PTPRS: variants seen among roughly 807,000 people sequenced by gnomAD.
PTPRS encodes receptor-type tyrosine-protein phosphatase S.
A neutral mutation model predicts 215.3 loss-of-function variants in PTPRS; 63 were observed. That is an observed-to-expected ratio of 0.29 (90% CI 0.24 to 0.36). The LOEUF is 0.36. Ranked by LOEUF, PTPRS falls within the 10% of genes least tolerant of loss-of-function variation. PTPRS has a pLI of 1.00. For synonymous variants in PTPRS, 1,404 were observed against 1,191.4 expected, an observed-to-expected ratio of 1.18 and a Z score of -3.68; for missense variants, 2,258 against 2,825.8, an observed-to-expected ratio of 0.80 and a Z score of 4.56.
intron 3 of PTPRS, 64 bp from the exon 4 acceptor site, chr19:5,273,647 G>C: frequency 1.3e-6 from 2 of 1,567,792 alleles, no homozygotes; most frequent in South Asian, 2.3e-5. Flanking sequence ...TCCTGTCTAG[G>C]CTGGGCTAGG....
chr19:5,208,475 T>A, intron 35 of PTPRS, 84 bp from the exon 36 acceptor site: 1 of 1,307,092 alleles, frequency 7.7e-7, no homozygotes, highest in Non-Finnish European at 1.0e-6. Context: ...TTCACCCCCA[T>A]TTTTTGTTTG....
At chr19:5,292,987 T>G (rs980357723) in intron 1 of PTPRS, among the ~76,000 whole-genome samples, 4 of 151,918 alleles carry the variant, frequency 2.6e-5, no homozygotes, top group African/African-American at 9.7e-5. Flanking sequence ...AGGCCCAAGC[T>G]GGCCCTGGAG....
intron 23 of PTPRS, 62 bp downstream of exon 23, chr19:5,219,248 C>T (rs1169947403): frequency 1.9e-6 from 3 of 1,589,328 alleles, no homozygotes; most frequent in East Asian, 4.5e-5. Context: ...GACAACTCCT[C>T]CCTCCTTTTC....
In PTPRS at chr19:5,330,021, G is replaced by T. The variant is rs1699413008; in HGVS notation, c.-95+10643C>A. On this transcript the variant is annotated intron_variant, in intron 1 of 37. Transcript: ENST00000262963. The stretch of plus-strand genomic sequence containing the variant: ...GACCCCAGGAGGTGGAAGTTGCCGT[G>T]AGCCGAGATCACGCCATTGCACTCC... Among the ~76,000 whole-genome samples, 7 of 148,440 alleles carry T rather than the reference G, an allele frequency of 4.7e-5. No individual in the cohort carries two copies. The South Asian group carries it at 1.5e-3, about 32-fold the overall frequency.
At position 5,229,697 on chromosome 19, in the gene PTPRS, A is replaced by AG; in HGVS notation, c.2156-14dup. The stretch of plus-strand genomic sequence containing the variant: ...GGCGCGCTGGGCACTGGCGGGCGGG[A>AG]GGGGAGGGGAGGGGCGGGCGGAGCC... On this transcript the variant is annotated splice_polypyrimidine_tract_variant and intron_variant, in intron 14 of 37. Transcript: ENST00000262963. 3.2e-6 allele frequency: 1 copy of AG among 314,556 alleles called. No homozygotes were observed. The highest frequency in any genetic ancestry group is 4.7e-6 in the Non-Finnish European group (1 of 211,822). 19.5% of individuals were successfully genotyped at this position (314,556 alleles called of 1,614,324 possible).
At chr19:5,307,645 C>G (rs2049542178) in intron 1 of PTPRS, among the ~76,000 whole-genome samples, 1 of 152,200 alleles carries the variant, frequency 6.6e-6, no homozygotes, top group Non-Finnish European at 1.5e-5. Flanking sequence ...CTCTTCAAAA[C>G]CGTAGCCACG....
chr19:5,274,416 GA>G, intron 2 of PTPRS, 72 bp from the exon 3 acceptor site: 1 of 1,493,580 alleles, frequency 6.7e-7, no homozygotes, highest in Non-Finnish European at 9.1e-7. Context: ...AAGGAGCCAC[GA>G]AAACCTGCAT....
At chr19:5,303,795 C>CA (rs1203354715) in intron 1 of PTPRS, among the ~76,000 whole-genome samples, 1 of 150,540 alleles carries the variant, frequency 6.6e-6, no homozygotes, top group Non-Finnish European at 1.5e-5. Context: ...ACTAAAAATA[C>CA]AAAAAATTAG....
At chr19:5,243,561 C>T (rs1348648048) in intron 11 of PTPRS, among the ~76,000 whole-genome samples, 1 of 151,850 alleles carries the variant, frequency 6.6e-6, no homozygotes, top group Non-Finnish European at 1.5e-5. Context: ...CTCACTGCAA[C>T]CTCCACCTCC....
chr19:5,255,204 G>A (rs1335088840), intron 9 of PTPRS, among the ~76,000 whole-genome samples: 1 of 152,156 alleles, frequency 6.6e-6, no homozygotes, highest in Non-Finnish European at 1.5e-5. Context: ...AAGAGGAGCT[G>A]GCCAGTGAGG....
intron 23 of PTPRS, 89 bp from the exon 24 acceptor site, chr19:5,218,887 C>T: frequency 7.4e-7 from 1 of 1,350,738 alleles, no homozygotes; most frequent in East Asian, 2.3e-5. Flanking sequence ...TTCTGTGACT[C>T]TCAGTGCCTT....
chr19:5,312,995 A>T (rs1364987005), intron 1 of PTPRS, among the ~76,000 whole-genome samples: 1 of 152,060 alleles, frequency 6.6e-6, no homozygotes, highest in Non-Finnish European at 1.5e-5. Flanking sequence ...GCTGACTGCA[A>T]CCTCCACCTC....
intron 4 of PTPRS, among the ~76,000 whole-genome samples, chr19:5,269,645 G>A (rs1041286029): frequency 1.3e-5 from 2 of 152,040 alleles, no homozygotes; most frequent in African/African-American, 2.4e-5. Context: ...GTGTGGGCTC[G>A]GCACGGTGGC....
chr19:5,331,942 G>A (rs1337735951), intron 1 of PTPRS, among the ~76,000 whole-genome samples: 1 of 152,178 alleles, frequency 6.6e-6, no homozygotes, highest in Non-Finnish European at 1.5e-5. Flanking sequence ...CTAAAGAACC[G>A]CAGAGGTGGC....
At position 5,338,418 on chromosome 19, in the gene PTPRS, G is replaced by C. The variant is rs890986100; in HGVS notation, c.-95+2246C>G. Among the ~76,000 whole-genome samples, 1 of 152,154 alleles carries C rather than the reference G, an allele frequency of 6.6e-6. No individual in the cohort carries two copies. The highest frequency in any genetic ancestry group is 2.4e-5 in the African/African-American group (1 of 41,436). ...GGTGTCCCCCGGGCCTGGGGAACAG[G>C]GCAGGACCCTGCTTCCCGGAGGGAA... On this transcript the variant is annotated intron_variant, in intron 1 of 37. Transcript: ENST00000262963. The surrounding 1 kb of genome is among the most constrained non-coding windows in gnomAD (Gnocchi z 4.2).
intron 1 of PTPRS, among the ~76,000 whole-genome samples, chr19:5,330,541 G>A (rs1323988455): frequency 6.6e-6 from 1 of 152,252 alleles, no homozygotes; most frequent in African/African-American, 2.4e-5. Flanking sequence ...AAGCTGTGGG[G>A]AGAGAGGGTA....
intron 1 of PTPRS, among the ~76,000 whole-genome samples, chr19:5,304,351 A>C: frequency 6.6e-6 from 1 of 152,274 alleles, no homozygotes; most frequent in Admixed American, 6.5e-5. Context: ...GTGGTGGCAT[A>C]TGCCTGTAAT....
intron 4 of PTPRS, among the ~76,000 whole-genome samples, chr19:5,267,208 G>A (rs2046466884): frequency 6.6e-6 from 1 of 151,562 alleles, no homozygotes; most frequent in Non-Finnish European, 1.5e-5. Flanking sequence ...CGGTGGTGAT[G>A]TGGGGGCGGG....
At chr19:5,289,511 A>G (rs4807709) in intron 1 of PTPRS, among the ~76,000 whole-genome samples, 80,845 of 151,826 alleles carry the variant, frequency 0.53, 22,411 homozygotes, top group African/African-American at 0.66. Context: ...CCTCGGGGTC[A>G]AAGCCCAAGT....
Sources: gnomAD v4.1 joint callset for allele counts (sites outside exome capture counted in the v4.1 genomes callset) on GRCh38, gnomAD v4.1.1 for gene constraint, Gnocchi (gnomAD v3.1) non-coding constraint, MANE v1.5 for transcripts, NCBI Gene and HGNC (gene_info 2026-07-23, HGNC 2026-07-21) for gene names.